DRD2: variants seen among roughly 807,000 people sequenced by gnomAD.
DRD2 encodes the protein D(2) dopamine receptor.
DRD2 carries 8 observed loss-of-function variants against 38.0 expected under a neutral mutation model. The ratio of observed to expected loss-of-function variants is 0.21; its 90% CI spans 0.12 to 0.38. The LOEUF (loss-of-function observed/expected upper bound fraction) is 0.38. DRD2 is among the 10% of genes least tolerant of loss of function. The pLI is 1.00. For missense variants in DRD2, 403 were observed against 607.7 expected (o/e 0.66, Z 3.54); for synonymous variants, 230 against 238.6 (o/e 0.96, Z 0.33).
intron 2 of DRD2, among the ~76,000 whole-genome samples, chr11:113,423,937 C>T (rs949459189): frequency 6.6e-6 from 1 of 152,152 alleles, no homozygotes; most frequent in Non-Finnish European, 1.5e-5. Flanking sequence ...GGGATCCTTG[C>T]CGGTTACTCC....
At chr11:113,422,017 T>C (rs555184297) in intron 2 of DRD2, among the ~76,000 whole-genome samples, 1 of 152,248 alleles carries the variant, frequency 6.6e-6, no homozygotes, top group East Asian at 1.9e-4. Flanking sequence ...GGGAACCCCC[T>C]ATAGCCCATG....
chr11:113,426,076 T>C (rs1370613902), intron 1 of DRD2, among the ~76,000 whole-genome samples: 2 of 151,916 alleles, frequency 1.3e-5, no homozygotes, highest in African/African-American at 2.4e-5. Flanking sequence ...AGGTTAGAAA[T>C]TGTGGTCATC....
chr11:113,460,070 A>G (rs572740099), intron 1 of DRD2, among the ~76,000 whole-genome samples: 16 of 152,358 alleles, frequency 1.1e-4, no homozygotes, highest in African/African-American at 3.8e-4. Context: ...TGTCCATTCT[A>G]TTACATTTTC....
chr11:113,460,401 C>T (rs564041929), intron 1 of DRD2, among the ~76,000 whole-genome samples: 6 of 152,268 alleles, frequency 3.9e-5, no homozygotes, highest in Non-Finnish European at 5.9e-5. Flanking sequence ...CTGGGTTCTG[C>T]CTCAAGCTGG....
chr11:113,446,041 C>T (rs149700722), intron 1 of DRD2, among the ~76,000 whole-genome samples: 1 of 152,154 alleles, frequency 6.6e-6, no homozygotes, highest in Non-Finnish European at 1.5e-5. Flanking sequence ...AAGTTTTTCT[C>T]TGTGTCTGAC....
At chr11:113,441,007 T>G (rs1951086015) in intron 1 of DRD2, among the ~76,000 whole-genome samples, 1 of 152,186 alleles carries the variant, frequency 6.6e-6, no homozygotes, top group South Asian at 2.1e-4. Context: ...TTAGCAGTAA[T>G]GAGGCTGTGA....
At chr11:113,452,469 T>TGTGTGTGTGTGTGTGTGC (rs1210531875) in intron 1 of DRD2, among the ~76,000 whole-genome samples, 75 of 118,824 alleles carry the variant, frequency 6.3e-4, no homozygotes, top group African/African-American at 2.6e-3. Flanking sequence ...TGTGTGTGTG[T>TGTGTGTGTGTGTGTGTGC]GCGCGCGCGC....
chr11:113,474,644 G>A (rs1419967027), intron 1 of DRD2, among the ~76,000 whole-genome samples: 2 of 152,042 alleles, frequency 1.3e-5, no homozygotes, highest in African/African-American at 2.4e-5. Context: ...TTCTTCCTCC[G>A]GAAGAAGTCG....
intron 1 of DRD2, among the ~76,000 whole-genome samples, chr11:113,439,761 C>T (rs949967351): frequency 6.4e-5 from 9 of 140,068 alleles, no homozygotes; most frequent in African/African-American, 2.4e-4. Context: ...ATCGCCTGAA[C>T]CCGGAAGGTA....
chr11:113,416,807 G>C (rs532004608), intron 4 of DRD2, 56 bp downstream of exon 4: 32 of 1,600,844 alleles, frequency 2.0e-5, no homozygotes, highest in Non-Finnish European at 2.7e-5. Context: ...AGGGCCCTTC[G>C]AGGGAGCAGG....
chr11:113,469,253 G>C (rs1445990242), intron 1 of DRD2, among the ~76,000 whole-genome samples: 1 of 151,998 alleles, frequency 6.6e-6, no homozygotes, highest in African/African-American at 2.4e-5. Flanking sequence ...CATCCAAAGG[G>C]ACCCAGATCC....
chr11:113,419,446 GCA>G (rs3060174), intron 2 of DRD2, among the ~76,000 whole-genome samples: 2,953 of 133,330 alleles, frequency 0.022, 108 homozygotes, highest in African/African-American at 0.08. Context: ...ATGCACACAG[GCA>G]CACACACACA....
At chr11:113,455,114 C>T (rs1189127203) in intron 1 of DRD2, among the ~76,000 whole-genome samples, 4 of 152,076 alleles carry the variant, frequency 2.6e-5, no homozygotes, top group Non-Finnish European at 5.9e-5. Flanking sequence ...TTTGGGAGGC[C>T]GAAGTGGATG....
At chr11:113,451,333 G>A (rs1565674763) in intron 1 of DRD2, among the ~76,000 whole-genome samples, 1 of 152,176 alleles carries the variant, frequency 6.6e-6, no homozygotes, top group Non-Finnish European at 1.5e-5. Context: ...ATGGTAACAT[G>A]TGAGTGATTT....
intron 1 of DRD2, among the ~76,000 whole-genome samples, chr11:113,466,290 A>G (rs1192608490): frequency 6.6e-6 from 1 of 152,222 alleles, no homozygotes; most frequent in Non-Finnish European, 1.5e-5. Context: ...TTTTAAAGTA[A>G]GGACTAGTCC....
intron 6 of DRD2, chr11:113,413,345 G>A (rs756967048): frequency 1.1e-5 from 6 of 526,572 alleles, no homozygotes; most frequent in South Asian, 2.8e-5. Flanking sequence ...CTGCACCTGC[G>A]TACACACGTG....
chr11:113,472,732 G>A (rs1282025780), intron 1 of DRD2, among the ~76,000 whole-genome samples: 5 of 152,168 alleles, frequency 3.3e-5, no homozygotes, highest in African/African-American at 1.2e-4. Context: ...GGAGCACTTA[G>A]GTTAACAGAT....
intron 1 of DRD2, among the ~76,000 whole-genome samples, chr11:113,449,465 G>C (rs1951188021): frequency 6.6e-6 from 1 of 152,080 alleles, no homozygotes; most frequent in Admixed American, 6.5e-5. Flanking sequence ...AAGCACCTGT[G>C]CTACACAAGT....
intron 1 of DRD2, among the ~76,000 whole-genome samples, chr11:113,427,961 GCA>G (rs1225903113): frequency 1.3e-5 from 2 of 152,160 alleles, no homozygotes; most frequent in African/African-American, 4.8e-5. Flanking sequence ...AGGGATGCGC[GCA>G]CAGAGGAGAG....
Sources: gnomAD v4.1 joint callset for allele counts (sites outside exome capture counted in the v4.1 genomes callset) on GRCh38, gnomAD v4.1.1 for gene constraint, MANE v1.5 for transcripts, NCBI Gene and HGNC (gene_info 2026-07-23, HGNC 2026-07-21) for gene names.